Variants in LIN54 observed in about 807,000 individuals in gnomAD.
LIN54 encodes the protein lin-54 DREAM MuvB core complex component.
Under a neutral mutation model 78.7 loss-of-function variants are expected in LIN54, and 9 were observed. The ratio of observed to expected loss-of-function variants is 0.11; its 90% confidence interval spans 0.07 to 0.20. The LOEUF (loss-of-function observed/expected upper bound fraction) is 0.20, where lower values mean the gene tolerates loss of function less well. LIN54 is among the 10% of genes least tolerant of loss of function. The pLI is 1.00. For synonymous variants in LIN54, 269 were observed against 318.4 expected (o/e 0.84, Z 1.65); for missense variants, 573 against 889.9 (o/e 0.64, Z 4.53).
chr4:82,999,747 C>CG (rs2126105965), intron 1 of LIN54, among the ~76,000 whole-genome samples: 1 of 142,826 alleles, frequency 7.0e-6, no homozygotes, highest in Non-Finnish European at 1.5e-5. Flanking sequence ...CACTGCACTC[C>CG]AGCCTAGGTG....
In LIN54 at chr4:82,930,979, G is replaced by C; in HGVS notation, c.2012C>G (p.Thr671Ser). 1 of 1,614,208 alleles carries C rather than the reference G, an allele frequency of 6.2e-7. No homozygotes were observed. The highest frequency in any genetic ancestry group is 1.1e-5 in the South Asian group (1 of 91,088). ...KLSSQISDLL[T>S]RPTPALNSGG... is the part of the protein sequence containing the mutation. The stretch of plus-strand genomic sequence containing the variant: ...ACTATTTAAAGCTGGTGTTGGCCTA[G>C]TAAGCAAGTCTGAAATTTGAGAGGA... The change falls in exon 12 of 13, where the codon ACT becomes AGT. Residue 671 changes from threonine (T) to serine (S), a missense_variant. Physicochemically the swap from Thr to Ser is moderately conservative, Grantham distance 58 (BLOSUM62 1). Around this residue, in one of 6 missense-constraint regions of LIN54, gnomAD observed 82 missense variants for 140.8 expected, o/e 0.58. Coordinates refer to ENST00000340417, the MANE Select transcript of LIN54 (RefSeq NM_194282.4).
intron 4 of LIN54, among the ~76,000 whole-genome samples, chr4:82,947,237 T>TATATATATATATATA (rs1560733573): frequency 3.9e-4 from 9 of 22,954 alleles, no homozygotes; most frequent in African/African-American, 1.2e-3. Context: ...ATATATATAT[T>TATATATATATATATA]TTTTTTTTTT....
At chr4:82,948,585 C>T (rs1045555292) in intron 4 of LIN54, among the ~76,000 whole-genome samples, 16 of 152,124 alleles carry the variant, frequency 1.1e-4, no homozygotes, top group African/African-American at 3.4e-4. Context: ...ACTCATTTAG[C>T]AGGAATCCCA....
At chr4:83,012,068 C>G (rs1178226966), upstream of LIN54, 2 of 984,134 alleles carry the variant, frequency 2.0e-6, no homozygotes, top group East Asian at 2.3e-4. Flanking sequence ...CAGCCTTCAA[C>G]AAGGGCTGTC....
chr4:82,948,036 A>T (rs1369397023), intron 4 of LIN54, among the ~76,000 whole-genome samples: 1 of 152,228 alleles, frequency 6.6e-6, no homozygotes, highest in Non-Finnish European at 1.5e-5. Flanking sequence ...ATTCAAAATA[A>T]GAGATAACAG....
intron 11 of LIN54, among the ~76,000 whole-genome samples, chr4:82,935,366 G>T (rs1722317732): frequency 6.6e-6 from 1 of 151,400 alleles, no homozygotes; most frequent in Non-Finnish European, 1.5e-5. Flanking sequence ...TCGGCTCACT[G>T]CAATCTCCAC....
At chr4:82,986,191 C>A (rs1578614928) in intron 1 of LIN54, among the ~76,000 whole-genome samples, 1 of 152,038 alleles carries the variant, frequency 6.6e-6, no homozygotes, top group Non-Finnish European at 1.5e-5. Context: ...TCTCGGCTCA[C>A]CGCAACCTCC....
chr4:82,937,354 A>AT, intron 8 of LIN54, 56 bp from the exon 9 acceptor site: 4 of 1,081,188 alleles, frequency 3.7e-6, no homozygotes, highest in Non-Finnish European at 5.3e-6. Flanking sequence ...ACTAAAATTA[A>AT]TTTAGTTGCT....
chr4:83,009,111 G>C (rs370846101), intron 1 of LIN54, among the ~76,000 whole-genome samples: 21 of 152,142 alleles, frequency 1.4e-4, no homozygotes, highest in Admixed American at 9.2e-4. Context: ...TACCTCTAAG[G>C]TATTTCTCCT....
At chr4:82,942,132 A>C in intron 5 of LIN54, among the ~76,000 whole-genome samples, 1 of 102,696 alleles carries the variant, frequency 9.7e-6, no homozygotes, top group South Asian at 3.7e-4. Flanking sequence ...TGATATCAGC[A>C]GTTTTTTTTT....
At chr4:82,938,538 T>A (rs1722584691) in intron 7 of LIN54, 34 bp from the exon 8 acceptor site, 1 of 1,258,302 alleles carries the variant, frequency 7.9e-7, no homozygotes, top group African/African-American at 1.5e-5. Flanking sequence ...TAGATCATAT[T>A]TCCAAAAATG....
chr4:82,978,161 A>G (rs758620857), intron 3 of LIN54, among the ~76,000 whole-genome samples: 58 of 152,332 alleles, frequency 3.8e-4, no homozygotes, highest in Admixed American at 4.6e-4. Context: ...AAGAGAACGA[A>G]CACTTGAAGT....
At chr4:82,932,097 T>TTTC (rs1027519979) in intron 11 of LIN54, among the ~76,000 whole-genome samples, 2 of 147,016 alleles carry the variant, frequency 1.4e-5, no homozygotes, top group African/African-American at 5.0e-5. Context: ...TTTTAATTTT[T>TTTC]TTTTTTTTTT....
Position 82,970,416 on chromosome 4 carries a change from A to G in LIN54, c.862T>C (p.Ser288Pro), listed in dbSNP as rs771041879. Residue 288 changes from serine to proline, a missense_variant, in exon 4 of 13, where the codon TCT becomes CCT. Transcript: ENST00000340417. ...PGTPSKTITI[S>P]ESGVIGSTLN... ...GTTGATCCAATAACACCACTTTCAG[A>G]TATTGTTATGGTCTTTGATGGAGTT... 3 of 1,612,978 alleles carry G rather than the reference A, an allele frequency of 1.9e-6. No individual in the cohort carries two copies. The highest frequency in any genetic ancestry group is 2.2e-5 in the South Asian group (2 of 91,004).
chr4:82,930,293 A>C (rs995569681), intron 12 of LIN54, among the ~76,000 whole-genome samples: 1 of 152,366 alleles, frequency 6.6e-6, no homozygotes, highest in East Asian at 1.9e-4. Flanking sequence ...ATACCAGTCC[A>C]GTCCAGTCCA....
At chr4:82,952,619 A>C (rs1723930827) in intron 4 of LIN54, among the ~76,000 whole-genome samples, 1 of 152,214 alleles carries the variant, frequency 6.6e-6, no homozygotes, top group Admixed American at 6.5e-5. Flanking sequence ...TACTGTATTC[A>C]AAAGAATTAA....
At chr4:82,945,474 C>T (rs931131785) in intron 5 of LIN54, among the ~76,000 whole-genome samples, 1 of 151,834 alleles carries the variant, frequency 6.6e-6, no homozygotes, top group Admixed American at 6.6e-5. Context: ...GAAAATACAA[C>T]TAAGCAAAAT....
chr4:82,997,155 T>C (rs1243738054), intron 1 of LIN54, among the ~76,000 whole-genome samples: 1 of 152,098 alleles, frequency 6.6e-6, no homozygotes, highest in Non-Finnish European at 1.5e-5. Flanking sequence ...ATCTGAACAA[T>C]GAATAAAGTA....
In LIN54 at chr4:82,929,667, G is replaced by A. The variant is rs191655262; in HGVS notation, c.2048+1276C>T. 2.9e-3 allele frequency among the ~76,000 whole-genome samples: 443 copies of A among 151,844 alleles called. 1 individual carries two copies. Among genetic ancestry groups the A allele is most frequent in the African/African-American group, 0.01 (423 of 41,424 alleles). Reference sequence around the variant, plus strand: ...CAAAAATACATAAATTTAGCTGGGCGTCGTGGTGTATGCCTGTAATCCCAG... The same window carrying A: ...CAAAAATACATAAATTTAGCTGGGCATCGTGGTGTATGCCTGTAATCCCAG... On this transcript the variant is annotated intron_variant, in intron 12 of 12. Coordinates refer to ENST00000340417, the MANE Select transcript of LIN54 (RefSeq NM_194282.4).
Sources: allele counts gnomAD v4.1 joint callset (sites outside exome capture counted in the v4.1 genomes callset), GRCh38; gene constraint gnomAD v4.1.1; regional missense constraint gnomAD v4.1.1; transcripts MANE v1.5; gene names NCBI Gene and HGNC (gene_info 2026-07-23, HGNC 2026-07-21).